PTPRC: variants seen among roughly 807,000 people sequenced by gnomAD.
The protein encoded by PTPRC is protein tyrosine phosphatase receptor type C.
Under a neutral mutation model 155.9 loss-of-function variants are expected in PTPRC, and 44 were observed. That is an observed-to-expected ratio of 0.28 (90% CI 0.22 to 0.36). The LOEUF (loss-of-function observed/expected upper bound fraction) is 0.36, where lower values mean the gene tolerates loss of function less well. PTPRC is among the 10% of genes least tolerant of loss of function. The pLI, the probability that PTPRC is intolerant of heterozygous loss-of-function variation, is 1.00. For missense variants in PTPRC, 1,401 were observed against 1,564.6 expected, an observed-to-expected ratio of 0.90 and a Z score of 1.76; for synonymous variants, 525 against 533.1, an observed-to-expected ratio of 0.98 and a Z score of 0.21.
chr1:198,737,662 T>C (rs1469004035), intron 23 of PTPRC, among the ~76,000 whole-genome samples: 7 of 151,772 alleles, frequency 4.6e-5, no homozygotes, highest in Admixed American at 4.6e-4. Flanking sequence ...TGTGGTTTCA[T>C]ATAAATATTA....
intron 2 of PTPRC, among the ~76,000 whole-genome samples, chr1:198,653,254 AAGGTGGTTAT>A (rs1215705691): frequency 6.6e-6 from 1 of 151,872 alleles, no homozygotes; most frequent in Non-Finnish European, 1.5e-5. Flanking sequence ...GTCTACGTAT[AAGGTGGTTAT>A]AGAAAATGAA....
intron 2 of PTPRC, among the ~76,000 whole-genome samples, chr1:198,644,919 T>C (rs535703260): frequency 4.6e-5 from 7 of 151,932 alleles, no homozygotes; most frequent in African/African-American, 1.4e-4. Context: ...GCCACCTAAC[T>C]GAAACTTCAG....
intron 2 of PTPRC, among the ~76,000 whole-genome samples, chr1:198,687,907 G>A (rs538202784): frequency 2.0e-5 from 3 of 151,418 alleles, no homozygotes; most frequent in East Asian, 3.9e-4. Context: ...TTTCAGGCAC[G>A]AAAACATTTT....
chr1:198,661,845 A>C (rs77870949), intron 2 of PTPRC, among the ~76,000 whole-genome samples: 2,265 of 152,312 alleles, frequency 0.015, 68 homozygotes, highest in African/African-American at 0.051. Context: ...AGGACAAAAT[A>C]GACTTCTTTA....
At chr1:198,694,162 C>T (rs1439279621) in intron 3 of PTPRC, 1 of 1,503,622 alleles carries the variant, frequency 6.7e-7, no homozygotes, top group East Asian at 2.7e-5. Context: ...AGTCCAAAAG[C>T]TGAGGAACTT....
chr1:198,734,972 A>G (rs1416184475), intron 22 of PTPRC, among the ~76,000 whole-genome samples, 155 bp from the exon 23 acceptor site: 1 of 151,844 alleles, frequency 6.6e-6, no homozygotes, highest in Non-Finnish European at 1.5e-5. Flanking sequence ...ATATATTTCA[A>G]GCATCACAGC....
chr1:198,650,501 G>T, intron 2 of PTPRC, among the ~76,000 whole-genome samples: 1 of 151,856 alleles, frequency 6.6e-6, no homozygotes, highest in East Asian at 1.9e-4. Context: ...ACATTTTAGA[G>T]AATGACTTTT....
At chr1:198,755,223 G>A (rs1037947533) in intron 32 of PTPRC, among the ~76,000 whole-genome samples, 2 of 152,064 alleles carry the variant, frequency 1.3e-5, no homozygotes, top group Non-Finnish European at 2.9e-5. Flanking sequence ...AGGAAAATAA[G>A]TTTTATATTC....
chr1:198,712,782 A>G (rs1653379700), intron 11 of PTPRC, 171 bp from the exon 12 acceptor site: 1 of 719,624 alleles, frequency 1.4e-6, no homozygotes, highest in Admixed American at 2.8e-5. Context: ...ACTTTGTTAA[A>G]GGAATTTACT....
intron 32 of PTPRC, 114 bp downstream of exon 32, chr1:198,754,518 TC>T: frequency 8.1e-7 from 1 of 1,233,704 alleles, no homozygotes. Context: ...TTTTCCCCTT[TC>T]CTTTTCTCTT....
Position 198,697,906 on chromosome 1 carries a change from C to G in PTPRC, c.298+997C>G, listed in dbSNP as rs79322924. 1.5e-3 allele frequency among the ~76,000 whole-genome samples: 231 copies of G among 152,264 alleles called. 1 individual carries two copies. The highest frequency in any genetic ancestry group is 5.3e-3 in the African/African-American group (222 of 41,550). ...GGTCAGTGCCTTCCTACAGCAAGTA[C>G]AAGACTGTGTATTTAATCTTCCATT... On this transcript the variant is annotated intron_variant, in intron 4 of 32. Coordinates refer to ENST00000442510, the MANE Select transcript of PTPRC (RefSeq NM_002838.5).
chr1:198,708,413 T>C, intron 10 of PTPRC, 152 bp downstream of exon 10: 1 of 720,252 alleles, frequency 1.4e-6, no homozygotes, highest in Non-Finnish European at 2.2e-6. Context: ...TTTTTCTTGG[T>C]CTGTGGTATA....
At chr1:198,673,099 T>A (rs894619074) in intron 2 of PTPRC, among the ~76,000 whole-genome samples, 1 of 152,164 alleles carries the variant, frequency 6.6e-6, no homozygotes, top group Non-Finnish European at 1.5e-5. Context: ...ACATTGCTTT[T>A]TTTTTTCTAA....
At chr1:198,727,422 G>C (rs1427868291) in intron 15 of PTPRC, among the ~76,000 whole-genome samples, 1 of 151,892 alleles carries the variant, frequency 6.6e-6, no homozygotes, top group Admixed American at 6.6e-5. Flanking sequence ...TAAGTACCTA[G>C]AGCTGAGTTT....
chr1:198,691,503 C>A (rs992921496), intron 2 of PTPRC, among the ~76,000 whole-genome samples: 1 of 152,018 alleles, frequency 6.6e-6, no homozygotes, highest in Non-Finnish European at 1.5e-5. Context: ...CTACGTAGGA[C>A]ATCATCTCTG....
intron 2 of PTPRC, among the ~76,000 whole-genome samples, chr1:198,660,232 G>A (rs1344090972): frequency 6.6e-6 from 1 of 151,504 alleles, no homozygotes; most frequent in Non-Finnish European, 1.5e-5. Flanking sequence ...TTTTGTCAGA[G>A]TTTAATTTTA....
At chr1:198,737,314 A>G (rs1444069906) in intron 23 of PTPRC, among the ~76,000 whole-genome samples, 3 of 151,456 alleles carry the variant, frequency 2.0e-5, no homozygotes, top group Non-Finnish European at 3.0e-5. Flanking sequence ...TAGTAGTTTC[A>G]TAGATTAAGG....
chr1:198,664,206 G>A (rs965729739), intron 2 of PTPRC, among the ~76,000 whole-genome samples: 5 of 152,164 alleles, frequency 3.3e-5, no homozygotes, highest in Admixed American at 2.6e-4. Context: ...GGTGCCTGTG[G>A]CTGTGAGAAA....
At chr1:198,719,292 T>A (rs965506862) in intron 14 of PTPRC, among the ~76,000 whole-genome samples, 3 of 152,140 alleles carry the variant, frequency 2.0e-5, no homozygotes, top group Non-Finnish European at 4.4e-5. Flanking sequence ...TTTCTTTTAA[T>A]GAAGTTTCTT....
Sources: allele counts gnomAD v4.1 joint callset (sites outside exome capture counted in the v4.1 genomes callset), GRCh38; gene constraint gnomAD v4.1.1; transcripts MANE v1.5; gene names NCBI Gene and HGNC (gene_info 2026-07-23, HGNC 2026-07-21).